AKAP13: variants seen among roughly 807,000 people sequenced by gnomAD.
AKAP13 encodes the protein A-kinase anchor protein 13.
AKAP13 carries 80 observed loss-of-function variants against 264.5 expected under a neutral mutation model. The observed-to-expected ratio is 0.30, with a 90% confidence interval of 0.25 to 0.36. The LOEUF (loss-of-function observed/expected upper bound fraction) is 0.36, where lower values mean the gene tolerates loss of function less well. Among genes scored for constraint, AKAP13 ranks in the 10% least tolerant of loss-of-function variants. AKAP13 has a pLI of 1.00. For missense variants in AKAP13, 3,712 were observed against 3,435.2 expected (o/e 1.08, Z -2.01); for synonymous variants, 1,380 against 1,250.2 (o/e 1.10, Z -2.19).
chr15:85,689,519 T>A (rs1361480138), intron 16 of AKAP13, among the ~76,000 whole-genome samples: 1 of 152,234 alleles, frequency 6.6e-6, no homozygotes, highest in East Asian at 1.9e-4. Context: ...TTAGCCTGTT[T>A]CTCCAGCACA....
At chr15:85,419,972 C>G (rs1161360979) in intron 1 of AKAP13, among the ~76,000 whole-genome samples, 2 of 119,898 alleles carry the variant, frequency 1.7e-5, no homozygotes, top group South Asian at 5.4e-4. Context: ...GACGGAGTCT[C>G]GCTCTGTTGC....
In AKAP13 at chr15:85,718,905, A is replaced by G. The variant is rs1028804198; in HGVS notation, c.6002-171A>G. The G allele has an allele frequency of 7.4e-6, 7 of 939,670 alleles. No homozygotes were observed. In the African/African-American group the frequency reaches 1.2e-4, roughly 16 times the overall value. The allele number at this position is 939,670 out of a possible 1,614,324, so 58.2% of individuals were successfully genotyped here. ...CAGAGCCAGAACCTGTCTTAAAAAA[A>G]AAACAAAAAAACAAAAAAACGAGAA... On this transcript the variant is annotated intron_variant, in intron 22 of 36. Coordinates refer to ENST00000394518, the MANE Select transcript of AKAP13 (RefSeq NM_007200.5). The surrounding 1 kb of genome is among the most constrained non-coding windows in gnomAD (Gnocchi z 4.9).
At chr15:85,585,857 A>G in intron 8 of AKAP13, 34 bp downstream of exon 8, 1 of 1,610,000 alleles carries the variant, frequency 6.2e-7, no homozygotes, top group Non-Finnish European at 8.5e-7. Context: ...AAGGGCACAA[A>G]ATGTGTTTAT....
chr15:85,475,787 G>A (rs756492687), intron 1 of AKAP13, among the ~76,000 whole-genome samples: 9 of 152,138 alleles, frequency 5.9e-5, no homozygotes, highest in Admixed American at 5.9e-4. Flanking sequence ...TGTACTTATA[G>A]CTATAACTGT....
At chr15:85,549,306 T>G (rs149809265) in intron 5 of AKAP13, among the ~76,000 whole-genome samples, 1,822 of 152,302 alleles carry the variant, frequency 0.012, 10 homozygotes, top group Non-Finnish European at 0.019. Flanking sequence ...TCATTTACAG[T>G]CCTTCCACCC....
intron 1 of AKAP13, chr15:85,415,561 A>G: frequency 1.4e-6 from 2 of 1,439,388 alleles, no homozygotes; most frequent in South Asian, 2.3e-5. Context: ...AGAAAATTGA[A>G]AGATGGGAAA....
At chr15:85,512,850 TATGTATGTATGTATG>T (rs2076481514) in intron 2 of AKAP13, among the ~76,000 whole-genome samples, 1 of 151,726 alleles carries the variant, frequency 6.6e-6, no homozygotes, top group Non-Finnish European at 1.5e-5. Flanking sequence ...TGTATGTATG[TATGTATGTATGTATG>T]TATGTTTTTG....
chr15:85,668,965 C>T (rs138065059), intron 13 of AKAP13, among the ~76,000 whole-genome samples: 13 of 151,822 alleles, frequency 8.6e-5, no homozygotes, highest in Admixed American at 4.6e-4. Context: ...AGGCTGGGTG[C>T]GGTGACTCAC....
intron 3 of AKAP13, among the ~76,000 whole-genome samples, chr15:85,525,704 T>A (rs1353813875): frequency 6.6e-6 from 1 of 152,214 alleles, no homozygotes; most frequent in African/African-American, 2.4e-5. Flanking sequence ...TTTAATTAAC[T>A]AGTGATTTTC....
chr15:85,454,176 A>G (rs2074196373), intron 1 of AKAP13, among the ~76,000 whole-genome samples: 1 of 152,090 alleles, frequency 6.6e-6, no homozygotes, highest in Non-Finnish European at 1.5e-5. Context: ...GGGTATTTAC[A>G]GGAGTCTAAC....
intron 1 of AKAP13, among the ~76,000 whole-genome samples, chr15:85,483,638 A>AACAAAC (rs1555434075): frequency 3.4e-4 from 38 of 110,552 alleles, no homozygotes; most frequent in African/African-American, 1.3e-3. Context: ...GTCTCAAAAA[A>AACAAAC]AAAAAAAAAA....
chr15:85,634,019 C>A (rs763407367), intron 8 of AKAP13, among the ~76,000 whole-genome samples: 4 of 152,112 alleles, frequency 2.6e-5, no homozygotes, highest in Non-Finnish European at 5.9e-5. Context: ...GATTCAGTTC[C>A]ATTCAGGATT....
At chr15:85,543,193 G>A (rs2077626870) in intron 4 of AKAP13, among the ~76,000 whole-genome samples, 1 of 152,158 alleles carries the variant, frequency 6.6e-6, no homozygotes, top group African/African-American at 2.4e-5. Flanking sequence ...AATAAATAAA[G>A]CTGGCAGTGC....
intron 2 of AKAP13, among the ~76,000 whole-genome samples, chr15:85,496,343 C>A (rs892125072): frequency 6.6e-6 from 1 of 152,082 alleles, no homozygotes; most frequent in Admixed American, 6.6e-5. Flanking sequence ...TTTCAGCCTC[C>A]GTGAAGACTT....
chr15:85,634,679 T>C (rs2081999656), intron 8 of AKAP13, among the ~76,000 whole-genome samples: 1 of 152,186 alleles, frequency 6.6e-6, no homozygotes, highest in Admixed American at 6.5e-5. Context: ...CGCATCATAA[T>C]AGGAACACTT....
chr15:85,553,366 G>A (rs568644017), intron 5 of AKAP13, among the ~76,000 whole-genome samples: 1 of 152,160 alleles, frequency 6.6e-6, no homozygotes, highest in Admixed American at 6.5e-5. Context: ...GGGATTACAG[G>A]CATGAGCCAC....
chr15:85,504,018 G>A (rs2076113574), intron 2 of AKAP13, among the ~76,000 whole-genome samples: 1 of 152,156 alleles, frequency 6.6e-6, no homozygotes, highest in Admixed American at 6.6e-5. Context: ...CAGGAGAGTA[G>A]CTTGATCAGA....
chr15:85,531,705 G>T (rs1396402116), intron 3 of AKAP13, among the ~76,000 whole-genome samples: 1 of 152,190 alleles, frequency 6.6e-6, no homozygotes. Flanking sequence ...CACACACCAG[G>T]CAGCGGATGC....
rs1446216125 is a variant in AKAP13 at position 85,724,257 on chromosome 15, T to C, written c.6745+937T>C. Among the ~76,000 whole-genome samples the C allele has an allele frequency of 2.0e-5, 3 of 152,238 alleles. No individual in the cohort carries two copies. Among genetic ancestry groups the C allele is most frequent in the African/African-American group, 7.2e-5 (3 of 41,464 alleles). ...GGTAAAGAAGTTCCAGGCAGTCAGC[T>C]GGTTTCAACAATGAATAAAGCAGGA... On this transcript the variant is annotated intron_variant, in intron 26 of 36. Transcript: ENST00000394518. The surrounding 1 kb of genome is among the most constrained non-coding windows in gnomAD (Gnocchi z 4.2).
Sources: allele counts gnomAD v4.1 joint callset (sites outside exome capture counted in the v4.1 genomes callset), GRCh38; gene constraint gnomAD v4.1.1; non-coding constraint Gnocchi (gnomAD v3.1); transcripts MANE v1.5; gene names NCBI Gene and HGNC (gene_info 2026-07-23, HGNC 2026-07-21).